TG: variants seen among roughly 807,000 people sequenced by gnomAD.
TG encodes thyroglobulin.
A neutral mutation model predicts 324.7 loss-of-function variants in TG; 270 were observed. That is an observed-to-expected ratio of 0.83 (90% CI 0.75 to 0.92). TG has a LOEUF of 0.92. Ranked by LOEUF, TG falls within the 40% of genes least tolerant of loss-of-function variation. The probability of loss-of-function intolerance (pLI) is 0.00; values close to 1 mark genes in which losing one functional copy is unlikely to be tolerated. For missense variants in TG, 3,591 were observed against 3,456.4 expected (o/e 1.04, Z -0.98); for synonymous variants, 1,401 against 1,327.0 (o/e 1.06, Z -1.21).
chr8:133,053,699 CA>C (rs2131258942), intron 41 of TG, among the ~76,000 whole-genome samples: 1 of 152,186 alleles, frequency 6.6e-6, no homozygotes, highest in African/African-American at 2.4e-5. Context: ...ACATTAAAAA[CA>C]AAAACCAACA....
chr8:133,090,450 G>C (rs879739624), intron 41 of TG, among the ~76,000 whole-genome samples: 1 of 152,340 alleles, frequency 6.6e-6, no homozygotes, highest in East Asian at 1.9e-4. Context: ...ACCTTGGCCC[G>C]TGTGTGGTAC....
At chr8:133,134,181 T>G (rs1852174170) in intron 47 of TG, among the ~76,000 whole-genome samples, 1 of 151,752 alleles carries the variant, frequency 6.6e-6, no homozygotes, top group African/African-American at 2.4e-5. Flanking sequence ...GAATAACGGG[T>G]GTGAGTGACA....
At chr8:133,102,733 T>C (rs1849423557) in intron 43 of TG, 4 of 648,416 alleles carry the variant, frequency 6.2e-6, no homozygotes, top group South Asian at 1.8e-5. Flanking sequence ...AGGCATTCAT[T>C]TGCATGATCA....
Position 132,893,468 on chromosome 8 carries a change from T to C in TG, c.2762-222T>C, listed in dbSNP as rs1816623918. Reference sequence around the variant, plus strand: ...TGTATGTGTGTAGTATGGGGGGTGGTGTGTATGTGTGTGGTGTGGTGTGTG... The same window carrying C: ...TGTATGTGTGTAGTATGGGGGGTGGCGTGTATGTGTGTGGTGTGGTGTGTG... On this transcript the variant is annotated intron_variant, in intron 10 of 47. Transcript: ENST00000220616. 4.0e-5 allele frequency among the ~76,000 whole-genome samples: 5 copies of C among 124,110 alleles called. 1 individual carries two copies. In the South Asian group the frequency reaches 1.4e-3, roughly 34 times the overall value. 81.4% of individuals were successfully genotyped at this position (124,110 alleles called of 152,430 possible). A position where few individuals can be genotyped will look rare whatever the true frequency, so the allele number is the denominator to read the frequency against.
intron 44 of TG, among the ~76,000 whole-genome samples, chr8:133,116,360 G>A (rs946154662): frequency 6.6e-6 from 1 of 152,194 alleles, no homozygotes; most frequent in Non-Finnish European, 1.5e-5. Flanking sequence ...CATCAGCATG[G>A]ACGCCAGTTT....
At chr8:133,097,289 G>A (rs1306599182) in intron 43 of TG, among the ~76,000 whole-genome samples, 1 of 152,160 alleles carries the variant, frequency 6.6e-6, no homozygotes, top group Non-Finnish European at 1.5e-5. Context: ...TCACCTTGGG[G>A]ACTCTATCCT....
At chr8:132,920,303 CTG>C (rs1475871946) in intron 21 of TG, among the ~76,000 whole-genome samples, 1 of 152,178 alleles carries the variant, frequency 6.6e-6, no homozygotes, top group African/African-American at 2.4e-5. Context: ...TAGTCTGAAA[CTG>C]TGTCAATGTG....
At chr8:132,934,082 T>A (rs112947777) in intron 24 of TG, among the ~76,000 whole-genome samples, 50 of 152,128 alleles carry the variant, frequency 3.3e-4, no homozygotes, top group African/African-American at 8.7e-4. Flanking sequence ...TCTGTAATCC[T>A]AGCACTTTGG....
chr8:133,092,613 A>G (rs372784908), intron 41 of TG, among the ~76,000 whole-genome samples: 1 of 152,110 alleles, frequency 6.6e-6, no homozygotes, highest in African/African-American at 2.4e-5. Flanking sequence ...CCTATAACGT[A>G]TGGTTGATTG....
In TG at chr8:133,007,288, T is replaced by C. The variant is rs548599094; in HGVS notation, c.6263-4613T>C. ...GCGGGGACGGAAGAAAACACAAGAG[T>C]TGACTTTGTAAGTTTTTTTAATGTG... On this transcript the variant is annotated intron_variant, in intron 35 of 47. Coordinates refer to ENST00000220616, the MANE Select transcript of TG (RefSeq NM_003235.5). 4.6e-5 allele frequency among the ~76,000 whole-genome samples: 7 copies of C among 151,832 alleles called. No individual in the cohort carries two copies. The South Asian group carries it at 1.5e-3, about 32-fold the overall frequency.
rs777390863 is a variant in TG, at chr8:132,918,547, G to A, written c.4379-829G>A. Among the ~76,000 whole-genome samples, 58 of 152,190 alleles carry A rather than the reference G, an allele frequency of 3.8e-4. 1 individual carries two copies. Among genetic ancestry groups the A allele is most frequent in the Admixed American group, 1.4e-3 (22 of 15,288 alleles). ...CAACTACACACGTAGACCAGAGACA[G>A]TAGTTGCTAAATCAACATTGGCTCC... On this transcript the variant is annotated intron_variant, in intron 20 of 47. Transcript: ENST00000220616.
chr8:133,064,346 GTGCTAC>G (rs1842785788), intron 41 of TG, among the ~76,000 whole-genome samples: 1 of 152,228 alleles, frequency 6.6e-6, no homozygotes, highest in African/African-American at 2.4e-5. Context: ...TTGCCTTTGT[GTGCTAC>G]AGGATCAAGG....
rs559586068 is a variant in TG, at chr8:133,059,685, A to G, written c.7239+29662A>G. ...TCCAGCTCTTGCGGGGCTAAGTATAAGGATGATATTATATTATGGGCTGCC... is the reference window on the plus strand; with the variant it reads ...TCCAGCTCTTGCGGGGCTAAGTATAGGGATGATATTATATTATGGGCTGCC... On this transcript the variant is annotated intron_variant, in intron 41 of 47. Transcript: ENST00000220616. Among the ~76,000 whole-genome samples the G allele has an allele frequency of 1.3e-3, 193 of 152,310 alleles. 1 individual carries two copies. Among genetic ancestry groups the G allele is most frequent in the Non-Finnish European group, 2.0e-3 (134 of 68,028 alleles).
intron 41 of TG, among the ~76,000 whole-genome samples, chr8:133,066,707 A>G (rs6997296): frequency 0.18 from 27,634 of 152,244 alleles, 2,858 homozygotes; most frequent in Non-Finnish European, 0.23. Context: ...TCGCTGGGCA[A>G]GTTAGTTCAC....
chr8:132,946,644 T>C (rs183458983), intron 26 of TG, among the ~76,000 whole-genome samples: 9 of 152,190 alleles, frequency 5.9e-5, no homozygotes, highest in Non-Finnish European at 1.2e-4. Context: ...CCTCCTCCAA[T>C]CTCCACCCCT....
chr8:132,894,071 G>A, intron 11 of TG, 142 bp downstream of exon 11: 1 of 1,294,510 alleles, frequency 7.7e-7, no homozygotes. Context: ...AAGGCAAAGT[G>A]GTTTGGGGGC....
At chr8:133,045,244 G>T in intron 41 of TG, 1 of 868,160 alleles carries the variant, frequency 1.2e-6, no homozygotes, top group East Asian at 2.6e-5. Context: ...ATGCTAGGAT[G>T]CAGCCCCTCC....
At chr8:132,867,476 G>T (rs1415194208) in intron 1 of TG, among the ~76,000 whole-genome samples, 1 of 151,014 alleles carries the variant, frequency 6.6e-6, no homozygotes, top group African/African-American at 2.4e-5. Context: ...TTCTGTCTTT[G>T]GCTCAGCCAC....
chr8:132,942,954 A>G (rs959860620), intron 26 of TG, among the ~76,000 whole-genome samples: 27 of 152,198 alleles, frequency 1.8e-4, no homozygotes, highest in Non-Finnish European at 1.9e-4. Flanking sequence ...TAACTGAGAC[A>G]TGGAGCTGAT....
Sources: allele counts gnomAD v4.1 joint callset (sites outside exome capture counted in the v4.1 genomes callset), GRCh38; gene constraint gnomAD v4.1.1; transcripts MANE v1.5; gene names NCBI Gene and HGNC (gene_info 2026-07-23, HGNC 2026-07-21).